Variants in UMAD1 observed in about 807,000 individuals in gnomAD.
The protein encoded by UMAD1 is UBAP1-MVB12-associated (UMA)-domain containing protein 1.
Under a neutral mutation model 6.1 loss-of-function variants are expected in UMAD1, and 8 were observed. The observed-to-expected ratio is 1.30, with a 90% CI of 0.76 to 2.35. UMAD1 has a LOEUF of 2.35. Among genes scored for constraint, UMAD1 ranks in the 30% most tolerant of loss-of-function variants. UMAD1 has a pLI of 0.00. For missense variants in UMAD1, 130 were observed against 78.4 expected, an observed-to-expected ratio of 1.66 and a Z score of -2.49; for synonymous variants, 56 against 31.4, an observed-to-expected ratio of 1.78 and a Z score of -2.61.
chr7:7,769,258 A>G (rs1036162932), intron 2 of UMAD1, among the ~76,000 whole-genome samples: 1 of 152,230 alleles, frequency 6.6e-6, no homozygotes, highest in Non-Finnish European at 1.5e-5. Context: ...GCTTCTGTCA[A>G]TTAGGGAGAC....
intron 2 of UMAD1, among the ~76,000 whole-genome samples, chr7:7,721,494 G>T (rs892262927): frequency 6.6e-6 from 1 of 152,192 alleles, no homozygotes; most frequent in Non-Finnish European, 1.5e-5. Context: ...TTCCTTAAAA[G>T]GAAGCTCATG....
rs1406705507 is a variant in UMAD1 at position 7,742,379 on chromosome 7, T to A, written c.83-59291T>A. On this transcript the variant is annotated intron_variant, in intron 2 of 3. Coordinates refer to ENST00000682710, the MANE Select transcript of UMAD1 (RefSeq NM_001302348.2). ...GGCGCTCTTCCGAGGATATCTGGGC[T>A]GCCTCCGGAGTCGCAGTGTCTTGGG... 5.1e-6 allele frequency: 3 copies of A among 590,332 alleles called. No homozygotes were observed. The East Asian group carries it at 1.1e-4, about 21-fold the overall frequency. 36.6% of individuals were successfully genotyped at this position (590,332 alleles called of 1,614,324 possible). A position where few individuals can be genotyped will look rare whatever the true frequency, so the allele number is the denominator to read the frequency against.
intron 2 of UMAD1, among the ~76,000 whole-genome samples, chr7:7,773,567 A>C (rs992205138): frequency 5.9e-5 from 9 of 152,202 alleles, no homozygotes; most frequent in Admixed American, 4.6e-4. Context: ...CTAAAAAAAA[A>C]CACAATAACA....
intron 3 of UMAD1, among the ~76,000 whole-genome samples, chr7:7,810,423 C>T (rs1783000036): frequency 6.6e-6 from 1 of 151,984 alleles, no homozygotes; most frequent in Non-Finnish European, 1.5e-5. Context: ...CATATTCAGT[C>T]AGTGCAATAT....
intron 2 of UMAD1, among the ~76,000 whole-genome samples, chr7:7,734,188 C>T (rs539071525): frequency 2.6e-5 from 4 of 152,128 alleles, no homozygotes; most frequent in Non-Finnish European, 5.9e-5. Context: ...GTTTTGTAAT[C>T]GTAGGAGACT....
At chr7:7,871,828 C>G (rs1029120896) in intron 3 of UMAD1, among the ~76,000 whole-genome samples, 6 of 139,890 alleles carry the variant, frequency 4.3e-5, no homozygotes, top group Non-Finnish European at 7.5e-5. Flanking sequence ...TACGTTCTCA[C>G]AAATAACAGA....
chr7:7,778,275 T>TGA (rs1554327252), intron 2 of UMAD1, among the ~76,000 whole-genome samples: 8,009 of 110,240 alleles, frequency 0.073, 420 homozygotes, highest in Middle Eastern at 0.1. Flanking sequence ...TGTGTGTGTG[T>TGA]GAGAGAGAGA....
chr7:7,780,473 T>A (rs1782322661), intron 2 of UMAD1, among the ~76,000 whole-genome samples: 1 of 152,234 alleles, frequency 6.6e-6, no homozygotes, highest in Non-Finnish European at 1.5e-5. Flanking sequence ...TCCAAGTCAT[T>A]AATTTTTAAA....
chr7:7,852,108 C>T (rs560184716), intron 3 of UMAD1, among the ~76,000 whole-genome samples: 4 of 152,220 alleles, frequency 2.6e-5, no homozygotes, highest in Non-Finnish European at 4.4e-5. Context: ...GTTGTCCCAG[C>T]AATATTTGTT....
At chr7:7,821,401 G>T (rs1051103546) in intron 3 of UMAD1, among the ~76,000 whole-genome samples, 2 of 152,078 alleles carry the variant, frequency 1.3e-5, no homozygotes, top group Non-Finnish European at 2.9e-5. Flanking sequence ...ATTTAAAAAA[G>T]AATATTAAAA....
At chr7:7,814,133 A>G (rs1365780598) in intron 3 of UMAD1, among the ~76,000 whole-genome samples, 2 of 152,048 alleles carry the variant, frequency 1.3e-5, no homozygotes, top group East Asian at 3.9e-4. Flanking sequence ...ACAGGCACCC[A>G]ACACCACGCC....
At chr7:7,845,888 A>G (rs1302221453) in intron 3 of UMAD1, among the ~76,000 whole-genome samples, 2 of 152,166 alleles carry the variant, frequency 1.3e-5, no homozygotes, top group African/African-American at 4.8e-5. Flanking sequence ...CTGGGAAATG[A>G]TGCCAGTAAG....
chr7:7,801,306 G>T (rs1782794179), intron 2 of UMAD1, among the ~76,000 whole-genome samples: 1 of 152,210 alleles, frequency 6.6e-6, no homozygotes, highest in Non-Finnish European at 1.5e-5. Flanking sequence ...TTGGAGGACA[G>T]TTATCCATAT....
intron 2 of UMAD1, among the ~76,000 whole-genome samples, chr7:7,744,538 C>G (rs1248938734): frequency 6.6e-6 from 1 of 151,552 alleles, no homozygotes; most frequent in Non-Finnish European, 1.5e-5. Context: ...TAGTCCCAAC[C>G]AGCTGTGTAC....
chr7:7,813,244 C>G (rs1266325743), intron 3 of UMAD1, among the ~76,000 whole-genome samples: 8 of 152,128 alleles, frequency 5.3e-5, no homozygotes, highest in Non-Finnish European at 1.0e-4. Flanking sequence ...TAGATGGAGT[C>G]TCGCTCTGTC....
intron 1 of UMAD1, among the ~76,000 whole-genome samples, chr7:7,667,302 A>T (rs981582397): frequency 1.3e-5 from 2 of 152,226 alleles, no homozygotes; most frequent in Non-Finnish European, 2.9e-5. Context: ...ATTGAAAAAA[A>T]TACTGAAAAC....
chr7:7,698,269 C>T (rs981716189), intron 2 of UMAD1, among the ~76,000 whole-genome samples: 3 of 152,084 alleles, frequency 2.0e-5, no homozygotes, highest in African/African-American at 7.2e-5. Context: ...GAGAAGATTG[C>T]AAAATATAAC....
intron 3 of UMAD1, among the ~76,000 whole-genome samples, chr7:7,811,315 G>C (rs1173584131): frequency 6.6e-6 from 1 of 152,156 alleles, no homozygotes; most frequent in African/African-American, 2.4e-5. Context: ...ATGAAGCATA[G>C]TTAGATTATT....
chr7:7,718,052 G>A (rs1457494282), intron 2 of UMAD1, among the ~76,000 whole-genome samples: 2 of 152,150 alleles, frequency 1.3e-5, no homozygotes, highest in East Asian at 3.8e-4. Flanking sequence ...TTAGCAGTGT[G>A]TTGAATAACC....
Sources: allele counts gnomAD v4.1 joint callset (sites outside exome capture counted in the v4.1 genomes callset), GRCh38; gene constraint gnomAD v4.1.1; transcripts MANE v1.5; gene names NCBI Gene and HGNC (gene_info 2026-07-23, HGNC 2026-07-21).